Variants in DSCAM observed in about 807,000 individuals in gnomAD.
DSCAM encodes the protein cell adhesion molecule DSCAM.
A neutral mutation model predicts 217.7 loss-of-function variants in DSCAM; 47 were observed. The ratio of observed to expected loss-of-function variants is 0.22; its 90% CI spans 0.17 to 0.28. The LOEUF is 0.28. Ranked by LOEUF, DSCAM falls within the 10% of genes least tolerant of loss-of-function variation. The pLI, the probability that DSCAM is intolerant of heterozygous loss-of-function variation, is 1.00. For synonymous variants in DSCAM, 1,056 were observed against 1,015.3 expected (o/e 1.04, Z -0.76); for missense variants, 2,080 against 2,618.3 (o/e 0.79, Z 4.49).
intron 32 of DSCAM, among the ~76,000 whole-genome samples, chr21:40,037,200 C>G (rs2088642139): frequency 6.7e-6 from 1 of 149,058 alleles, no homozygotes; most frequent in East Asian, 1.9e-4. Flanking sequence ...AAAGGGTATT[C>G]AAGTAGGAAA....
At chr21:40,376,305 TAAG>T (rs992366751) in intron 3 of DSCAM, among the ~76,000 whole-genome samples, 2 of 151,816 alleles carry the variant, frequency 1.3e-5, no homozygotes, top group African/African-American at 4.8e-5. Flanking sequence ...TAGAGGAACA[TAAG>T]AATTAAATCT....
intron 3 of DSCAM, among the ~76,000 whole-genome samples, chr21:40,373,973 T>G (rs545216027): frequency 6.6e-6 from 1 of 152,228 alleles, no homozygotes; most frequent in African/African-American, 2.4e-5. Flanking sequence ...TAGCAGATAG[T>G]CATGCATCTA....
At chr21:40,364,954 TTTTA>T (rs776971674) in intron 4 of DSCAM, among the ~76,000 whole-genome samples, 7 of 150,410 alleles carry the variant, frequency 4.7e-5, no homozygotes, top group African/African-American at 9.7e-5. Flanking sequence ...AATTTCATAC[TTTTA>T]TTTTTCTCTT....
chr21:40,473,335 G>A (rs1209868758), intron 3 of DSCAM, among the ~76,000 whole-genome samples: 2 of 152,178 alleles, frequency 1.3e-5, no homozygotes, highest in African/African-American at 2.4e-5. Flanking sequence ...GGCAAGTACT[G>A]GAATTAATTA....
chr21:40,606,113 T>C (rs2089234289), intron 3 of DSCAM, among the ~76,000 whole-genome samples: 1 of 152,222 alleles, frequency 6.6e-6, no homozygotes, highest in African/African-American at 2.4e-5. Context: ...TGCACATTCT[T>C]ATTTCCATAA....
At chr21:40,815,271 G>T (rs1262991430) in intron 1 of DSCAM, among the ~76,000 whole-genome samples, 1 of 151,942 alleles carries the variant, frequency 6.6e-6, no homozygotes, top group South Asian at 2.1e-4. Flanking sequence ...AGACTGCCAC[G>T]AGATAAGGCT....
intron 10 of DSCAM, among the ~76,000 whole-genome samples, chr21:40,287,186 G>A (rs2073839148): frequency 7.0e-6 from 1 of 142,782 alleles, no homozygotes; most frequent in Non-Finnish European, 1.5e-5. Context: ...AGGGTCTTCT[G>A]CAGTGTGATC....
At chr21:40,283,681 T>C (rs1429372540) in intron 10 of DSCAM, among the ~76,000 whole-genome samples, 1 of 152,226 alleles carries the variant, frequency 6.6e-6, no homozygotes, top group East Asian at 1.9e-4. Context: ...TACCCATGCC[T>C]TACAGCAAGT....
At chr21:40,624,568 A>G (rs945861736) in intron 3 of DSCAM, among the ~76,000 whole-genome samples, 1 of 152,216 alleles carries the variant, frequency 6.6e-6, no homozygotes, top group East Asian at 1.9e-4. Context: ...GCTTGGGAGC[A>G]GGGTCTCCTG....
chr21:40,065,708 G>T (rs2089197022), intron 27 of DSCAM, among the ~76,000 whole-genome samples: 1 of 152,042 alleles, frequency 6.6e-6, no homozygotes, highest in South Asian at 2.1e-4. Flanking sequence ...TGTCCCCAGG[G>T]GAACCTTTGT....
At chr21:40,766,343 A>T (rs958616666) in intron 1 of DSCAM, among the ~76,000 whole-genome samples, 2 of 150,902 alleles carry the variant, frequency 1.3e-5, no homozygotes, top group African/African-American at 5.0e-5. Context: ...ATATATATAT[A>T]TATTTTCAAA....
At chr21:40,572,516 C>CTTT (rs2076816156) in intron 3 of DSCAM, among the ~76,000 whole-genome samples, 1 of 152,000 alleles carries the variant, frequency 6.6e-6, no homozygotes, top group Non-Finnish European at 1.5e-5. Flanking sequence ...ACAAGAAACA[C>CTTT]TTAGAGCATA....
At chr21:40,647,894 C>T (rs2089966136) in intron 3 of DSCAM, among the ~76,000 whole-genome samples, 1 of 152,202 alleles carries the variant, frequency 6.6e-6, no homozygotes, top group South Asian at 2.1e-4. Flanking sequence ...GAATGATTCA[C>T]CCATGTGTCT....
intron 8 of DSCAM, among the ~76,000 whole-genome samples, chr21:40,326,622 T>C (rs1324664950): frequency 6.6e-6 from 1 of 152,182 alleles, no homozygotes; most frequent in South Asian, 2.1e-4. Flanking sequence ...AGAGAAGGCA[T>C]ATTTGTATGT....
intron 3 of DSCAM, among the ~76,000 whole-genome samples, chr21:40,489,094 G>A (rs181373397): frequency 1.1e-4 from 17 of 152,326 alleles, no homozygotes; most frequent in Non-Finnish European, 5.9e-5. Flanking sequence ...TTAATTTGAT[G>A]TCAAATCAGC....
intron 1 of DSCAM, among the ~76,000 whole-genome samples, chr21:40,709,753 G>A (rs1290412917): frequency 6.6e-6 from 1 of 152,152 alleles, no homozygotes; most frequent in Non-Finnish European, 1.5e-5. Flanking sequence ...TGGGCATTTG[G>A]GTTGGTTCCA....
chr21:40,509,578 G>A (rs531568882), intron 3 of DSCAM, among the ~76,000 whole-genome samples: 1 of 152,284 alleles, frequency 6.6e-6, no homozygotes, highest in Non-Finnish European at 1.5e-5. Context: ...AATATGCAGT[G>A]GGTTCAGAAT....
chr21:40,518,376 A>AT (rs144648471), intron 3 of DSCAM, among the ~76,000 whole-genome samples: 1 of 7,652 alleles, frequency 1.3e-4, no homozygotes, highest in African/African-American at 1.0e-3. Context: ...TATATAATAT[A>AT]TATATAATAT....
chr21:40,623,972 A>G (rs1050854387), intron 3 of DSCAM, among the ~76,000 whole-genome samples: 1 of 152,154 alleles, frequency 6.6e-6, no homozygotes, highest in African/African-American at 2.4e-5. Flanking sequence ...GATTTTTTTC[A>G]GTGAGTTCAC....
Sources: allele counts gnomAD v4.1 joint callset (sites outside exome capture counted in the v4.1 genomes callset), GRCh38; gene constraint gnomAD v4.1.1; transcripts MANE v1.5; gene names NCBI Gene and HGNC (gene_info 2026-07-23, HGNC 2026-07-21).